The following ANO7 variants were observed in gnomAD, a reference collection of about 807,000 sequenced individuals.
The protein encoded by ANO7 is anoctamin-7.
ANO7 carries 114 observed loss-of-function variants against 115.8 expected under a neutral mutation model. The ratio of observed to expected loss-of-function variants is 0.98; its 90% confidence interval spans 0.85 to 1.15. The LOEUF is 1.15. ANO7 is among the 50% of genes most tolerant of loss of function. The pLI is 0.00. For missense variants in ANO7, 1,302 were observed against 1,201.2 expected (o/e 1.08, Z -1.24); for synonymous variants, 550 against 498.2 (o/e 1.10, Z -1.38).
rs564479924 is a variant in ANO7, at chr2:241,203,324, C to A, written c.724-9C>A. 1.3e-6 allele frequency: 2 copies of A among 1,516,364 alleles called. No homozygotes were observed. The highest frequency in any genetic ancestry group is 1.3e-5 in the South Asian group (1 of 77,542). The allele number at this position is 1,516,364 out of a possible 1,614,324, so 93.9% of individuals were successfully genotyped here. A position where few individuals can be genotyped will look rare whatever the true frequency, so the allele number is the denominator to read the frequency against. The stretch of plus-strand genomic sequence containing the variant: ...GGGAGCCTCCCACCCACAGGCCGCT[C>A]GCCCCCAGGGCCCCTTCAAGACGCC... On this transcript the variant is annotated splice_polypyrimidine_tract_variant and intron_variant, in intron 8 of 24. Transcript: ENST00000674324. The surrounding 1 kb of genome is among the most constrained non-coding windows in gnomAD (Gnocchi z 4.8).
At position 241,217,830 on chromosome 2, in the gene ANO7, A is replaced by C; in HGVS notation, c.2117A>C (p.Gln706Pro). The C allele has an allele frequency of 6.2e-7, 1 of 1,608,844 alleles. No individual in the cohort carries two copies. ...EYRRPVAERA[Q>P]DIGIWFHILA... Reference sequence around the variant, plus strand: ...CGGCGCCCGGTGGCCGAGCGCGCCCAGGACATCGGCATCTGGTTCCACATC... The same window carrying C: ...CGGCGCCCGGTGGCCGAGCGCGCCCCGGACATCGGCATCTGGTTCCACATC... Residue 706 changes from glutamine (Q) to proline (P), a missense_variant, in exon 20 of 25, where the codon CAG (glutamine) becomes CCG (proline). Transcript: ENST00000674324.
Position 241,214,868 on chromosome 2 carries a change from C to T in ANO7, c.1792C>T (p.Gln598Ter), listed in dbSNP as rs1254853751. The T allele has an allele frequency of 6.2e-6, 10 of 1,612,772 alleles. No homozygotes were observed. Among genetic ancestry groups the T allele is most frequent in the African/African-American group, 1.3e-5 (1 of 74,912 alleles). The change falls in exon 18 of 25, where the codon CAG (glutamine) becomes TAG (stop). Residue 598 changes from glutamine (Q) to a stop codon, truncating the protein, a stop_gained. Coordinates refer to ENST00000674324, the MANE Select transcript of ANO7 (RefSeq NM_001370694.2). LOFTEE classifies it high-confidence loss of function. ...GCTCCTGGTCATCATGGTGGGCAAG[C>T]AGGTCATCAACAACATGCAGGAGGT... Reference protein sequence around the residue: ...QELLVIMVGKQVINNMQEVLI... With the variant: ...QELLVIMVGK
chr2:241,218,182 C>A (rs1432950266), intron 20 of ANO7, 57 bp from the exon 21 acceptor site: 101 of 695,156 alleles, frequency 1.5e-4, no homozygotes, highest in Non-Finnish European at 1.8e-4. Flanking sequence ...AGGGGCGGAG[C>A]GGGGGCGCGC....
intron 21 of ANO7, among the ~76,000 whole-genome samples, chr2:241,219,869 G>A (rs116655062): frequency 9.2e-5 from 14 of 151,812 alleles, no homozygotes; most frequent in African/African-American, 2.7e-4. Context: ...CACCACACCC[G>A]GCTAGCACAC....
intron 4 of ANO7, chr2:241,196,226 C>T (rs953500021): frequency 2.9e-6 from 3 of 1,034,434 alleles, no homozygotes; most frequent in Non-Finnish European, 3.6e-6. Flanking sequence ...AAAGTCCTTT[C>T]ACATGTTTGC....
At chr2:241,198,362 G>A (rs2068391790) in intron 4 of ANO7, among the ~76,000 whole-genome samples, 1 of 152,212 alleles carries the variant, frequency 6.6e-6, no homozygotes, top group Non-Finnish European at 1.5e-5. Context: ...TCAGTGTCTG[G>A]GAGGTGGAGG....
In ANO7 at chr2:241,216,896, C is replaced by T. The variant is rs550290705; in HGVS notation, c.1972+658C>T. ...TCGCCCAGGCTGGAGTGCAGTGGCG[C>T]CATCTCGGCTCACTCCAACCTCCAC... is the stretch of plus-strand genomic sequence containing the variant. On this transcript the variant is annotated intron_variant, in intron 19 of 24. Coordinates refer to ENST00000674324, the MANE Select transcript of ANO7 (RefSeq NM_001370694.2). 2.0e-5 allele frequency among the ~76,000 whole-genome samples: 3 copies of T among 152,324 alleles called. No individual in the cohort carries two copies. The East Asian group carries it at 5.8e-4, about 29-fold the overall frequency.
chr2:241,214,155 C>T (rs752970498), intron 17 of ANO7, among the ~76,000 whole-genome samples: 9 of 152,150 alleles, frequency 5.9e-5, no homozygotes, highest in South Asian at 4.1e-4. Context: ...CGTGATGGCA[C>T]GCACCTGTAG....
At chr2:241,210,660 A>G in intron 15 of ANO7, 90 bp downstream of exon 15, 3 of 1,025,372 alleles carry the variant, frequency 2.9e-6, no homozygotes, top group South Asian at 1.3e-5. Flanking sequence ...ACTGACACAC[A>G]TGGCCCTCAT....
At chr2:241,230,676 G>A, downstream of ANO7, 1 of 1,188,138 alleles carries the variant, frequency 8.4e-7, no homozygotes. This position sits in a 1 kb window ranked among gnomAD's most constrained non-coding sequence, Gnocchi z 5.0. Flanking sequence ...TGAGGGGAAG[G>A]CCATGCCCTG....
At position 241,203,570 on chromosome 2, in the gene ANO7, A is replaced by C. The variant is rs2068522200; in HGVS notation, c.889+72A>C. ...TGGTGTCAGGTTGTAACAATTTGCC[A>C]GTCCGTACCCCTGGAGGGCAGCGTG... is the stretch of plus-strand genomic sequence containing the variant. On this transcript the variant is annotated intron_variant, in intron 9 of 24. Transcript: ENST00000674324. This position sits in a 1 kb window ranked among gnomAD's most constrained non-coding sequence, Gnocchi z 4.8. 1 of 1,181,010 alleles carries C rather than the reference A, an allele frequency of 8.5e-7. No individual in the cohort carries two copies. Among genetic ancestry groups the C allele is most frequent in the African/African-American group, 1.6e-5 (1 of 62,090 alleles). The allele number at this position is 1,181,010 out of a possible 1,614,324, so 73.2% of individuals were successfully genotyped here.
chr2:241,220,600 G>A (rs1464241305), intron 21 of ANO7, among the ~76,000 whole-genome samples: 2 of 152,212 alleles, frequency 1.3e-5, no homozygotes, highest in Non-Finnish European at 2.9e-5. Context: ...GGGAGGCCAA[G>A]ACCATCCTGG....
In ANO7 at chr2:241,223,653, T is replaced by C; in HGVS notation, c.2413-9T>C. ...TTGGGTGGGCGTGAGTGCCTTCCTC[T>C]GCTCCCAGCATGTGGTTTTCTCCGT... is the stretch of plus-strand genomic sequence containing the variant. On this transcript the variant is annotated splice_polypyrimidine_tract_variant and intron_variant, in intron 22 of 24. Coordinates refer to ENST00000674324, the MANE Select transcript of ANO7 (RefSeq NM_001370694.2). 1 of 1,611,212 alleles carries C rather than the reference T, an allele frequency of 6.2e-7. No homozygotes were observed. Among genetic ancestry groups the C allele is most frequent in the East Asian group, 2.2e-5 (1 of 44,692 alleles).
At chr2:241,215,616 G>A (rs950438396) in intron 18 of ANO7, among the ~76,000 whole-genome samples, 1 of 152,238 alleles carries the variant, frequency 6.6e-6, no homozygotes, top group African/African-American at 2.4e-5. Context: ...AAGGTGCAGG[G>A]TGGAGCTCTG....
the ANO7 span, chr2:241,240,292 A>AC: frequency 3.1e-6 from 2 of 654,650 alleles, no homozygotes; most frequent in African/African-American, 3.6e-5. This position sits in a 1 kb window ranked among gnomAD's most constrained non-coding sequence, Gnocchi z 5.5. Context: ...CACTGAATAA[A>AC]CAGATGAATA....
intron 21 of ANO7, among the ~76,000 whole-genome samples, chr2:241,218,983 A>G (rs1220508188): frequency 6.6e-6 from 1 of 152,196 alleles, no homozygotes; most frequent in Non-Finnish European, 1.5e-5. Flanking sequence ...GGTGGCGCCA[A>G]GGTCATCTAG....
At chr2:241,229,625 G>A (rs766752811), downstream of ANO7, 3 of 1,613,778 alleles carry the variant, frequency 1.9e-6, no homozygotes, top group Admixed American at 5.0e-5. Context: ...CCCAAGGGAG[G>A]GTCTTGGGAG....
chr2:241,229,414 G>T, downstream of ANO7: 1 of 550,410 alleles, frequency 1.8e-6, no homozygotes, highest in Admixed American at 3.1e-5. Flanking sequence ...GGTCCTGAGC[G>T]GGCACGGCCA....
At chr2:241,204,772 G>T (rs2149182421) in intron 9 of ANO7, 93 bp from the exon 10 acceptor site, 1 of 890,896 alleles carries the variant, frequency 1.1e-6, no homozygotes, top group Non-Finnish European at 1.8e-6. Context: ...GGCTGAGGGT[G>T]GTCCCTAGGG....
Sources: allele counts gnomAD v4.1 joint callset (sites outside exome capture counted in the v4.1 genomes callset), GRCh38; gene constraint gnomAD v4.1.1; non-coding constraint Gnocchi (gnomAD v3.1); transcripts MANE v1.5; gene names NCBI Gene and HGNC (gene_info 2026-07-23, HGNC 2026-07-21).